The following DCAF5 variants were observed in gnomAD, a reference collection of about 807,000 sequenced individuals.
DCAF5 encodes DDB1- and CUL4-associated factor 5.
Under a neutral mutation model 80.7 loss-of-function variants are expected in DCAF5, and 9 were observed. That is an observed-to-expected ratio of 0.11 (90% confidence interval 0.07 to 0.19). DCAF5 has a LOEUF of 0.19. Among genes scored for constraint, DCAF5 ranks in the 10% least tolerant of loss-of-function variants. The pLI, the probability that DCAF5 is intolerant of heterozygous loss-of-function variation, is 1.00. For missense variants in DCAF5, 842 were observed against 1,205.7 expected (o/e 0.70, Z 4.47); for synonymous variants, 433 against 461.9 (o/e 0.94, Z 0.80).
chr14:69,089,367 A>C (rs1391415705), intron 6 of DCAF5: 2 of 152,184 alleles, frequency 1.3e-5, no homozygotes, highest in African/African-American at 2.4e-5. Flanking sequence ...ATATGAACAG[A>C]CTTTTAAGAC....
intron 1 of DCAF5, among the ~76,000 whole-genome samples, chr14:69,140,775 G>C (rs1247642723): frequency 6.6e-6 from 1 of 151,964 alleles, no homozygotes; most frequent in Non-Finnish European, 1.5e-5. Context: ...TAAAAGGCAA[G>C]TGACTAACTA....
chr14:69,128,770 AAC>A (rs1372433707), intron 1 of DCAF5, among the ~76,000 whole-genome samples: 1 of 152,058 alleles, frequency 6.6e-6, no homozygotes, highest in African/African-American at 2.4e-5. Flanking sequence ...TCCATCTCAA[AAC>A]AAACAACAAC....
At position 69,095,550 on chromosome 14, in the gene DCAF5, T is replaced by TACAC. The variant is rs71102626; in HGVS notation, c.666-3667_666-3664dup. Among the ~76,000 whole-genome samples the TACAC allele has an allele frequency of 1.3e-4, 19 of 151,264 alleles. No individual in the cohort carries two copies. The East Asian group carries it at 2.3e-3, about 19-fold the overall frequency. On this transcript the variant is annotated intron_variant, in intron 5 of 8. Transcript: ENST00000341516. The stretch of plus-strand genomic sequence containing the variant: ...TTTTGTTTTGTTTTGTTTTTTTAAG[T>TACAC]ACACACACACACACAAAAACCACTC...
intron 1 of DCAF5, among the ~76,000 whole-genome samples, chr14:69,141,526 C>A (rs1174194527): frequency 6.6e-6 from 1 of 152,150 alleles, no homozygotes; most frequent in South Asian, 2.1e-4. Context: ...ACAACAGGCC[C>A]CAGTGTGTGA....
intron 1 of DCAF5, among the ~76,000 whole-genome samples, chr14:69,132,481 A>G (rs749446130): frequency 2.0e-5 from 3 of 152,162 alleles, no homozygotes; most frequent in Non-Finnish European, 4.4e-5. Flanking sequence ...CCTGAAATTC[A>G]GTTACCACTT....
intron 5 of DCAF5, among the ~76,000 whole-genome samples, chr14:69,098,357 C>T (rs1648700152): frequency 6.6e-6 from 1 of 152,164 alleles, no homozygotes; most frequent in Admixed American, 6.5e-5. Flanking sequence ...TACAACTTCT[C>T]CAATGCTTCC....
At chr14:69,099,779 CA>C (rs777557370) in intron 5 of DCAF5, among the ~76,000 whole-genome samples, 1 of 71,286 alleles carries the variant, frequency 1.4e-5, no homozygotes, top group Non-Finnish European at 3.0e-5. Flanking sequence ...CCTGTCTCTA[CA>C]AAAAAAAAAT....
chr14:69,098,893 C>CAAAAAA (rs57089112), intron 5 of DCAF5, among the ~76,000 whole-genome samples: 146 of 59,596 alleles, frequency 2.4e-3, no homozygotes, highest in Middle Eastern at 0.031. Context: ...ACTCTGTCTC[C>CAAAAAA]AAAAAAAAAA....
At chr14:69,095,882 G>A (rs932356560) in intron 5 of DCAF5, among the ~76,000 whole-genome samples, 5 of 152,130 alleles carry the variant, frequency 3.3e-5, no homozygotes, top group African/African-American at 4.8e-5. Context: ...CTATAAGACC[G>A]GTGGAATGCT....
Position 69,054,406 on chromosome 14 carries a change from A to T in DCAF5, c.2280T>A (p.Gly760=). The part of the protein sequence containing the change: ...SSHAWAEVPE[G]TSQDTGNSGS... ...CGCTATTGCCAGTGTCCTGAGAGGT[A>T]CCCTCTGGCACCTCTGCCCAAGCAT... The change falls in exon 9 of 9, where the codon GGT becomes GGA. Residue 760 remains glycine, a synonymous_variant. Transcript: ENST00000341516. 1 of 1,614,004 alleles carries T rather than the reference A, an allele frequency of 6.2e-7. No homozygotes were observed. The highest frequency in any genetic ancestry group is 8.5e-7 in the Non-Finnish European group (1 of 1,180,022).
In DCAF5 at chr14:69,122,345, C is replaced by T. The variant is rs368370920; in HGVS notation, c.230G>A (p.Arg77Gln). 3 of 1,611,146 alleles carry T rather than the reference C, an allele frequency of 1.9e-6. No individual in the cohort carries two copies. Among genetic ancestry groups the T allele is most frequent in the Non-Finnish European group, 2.5e-6 (3 of 1,177,698 alleles). Reference protein sequence around the residue: ...QWLVSGGDDRRVLLWHMEQAI... With the variant: ...QWLVSGGDDRQVLLWHMEQAI... ...TTGTTCCATGTGCCATAGCAGAACC[C>T]GGCGGTCATCTCCTCCTTAAGAAGG... is the stretch of plus-strand genomic sequence containing the variant. The change falls in exon 2 of 9, where the codon CGG becomes CAG. Residue 77 changes from arginine to glutamine, a missense_variant. Coordinates refer to ENST00000341516, the MANE Select transcript of DCAF5 (RefSeq NM_003861.3).
rs139958295 is a variant in DCAF5, at chr14:69,074,102, AG to A, written c.946+1242del. Among the ~76,000 whole-genome samples, 1,328 of 152,366 alleles carry A rather than the reference AG, an allele frequency of 8.7e-3. 21 individuals are homozygous for A. The highest frequency in any genetic ancestry group is 0.03 in the African/African-American group (1,268 of 41,582). On this transcript the variant is annotated intron_variant, in intron 7 of 8. Coordinates refer to ENST00000341516, the MANE Select transcript of DCAF5 (RefSeq NM_003861.3). ...AGTTATGCCAAAAGTAGGCCCCAAC[AG>A]GTTTTGAAAGGCAGATGTTTGGTAA...
chr14:69,105,686 A>G (rs1333443477), intron 5 of DCAF5, among the ~76,000 whole-genome samples: 1 of 151,772 alleles, frequency 6.6e-6, no homozygotes, highest in Non-Finnish European at 1.5e-5. Flanking sequence ...GCCCTTGGAC[A>G]TCAGACTGCA....
At chr14:69,088,220 C>A (rs988766449) in intron 6 of DCAF5, among the ~76,000 whole-genome samples, 1 of 152,154 alleles carries the variant, frequency 6.6e-6, no homozygotes, top group Non-Finnish European at 1.5e-5. Flanking sequence ...ATCATTTGTA[C>A]AGTGAAAAGG....
chr14:69,073,786 A>G (rs1299457462), intron 7 of DCAF5, among the ~76,000 whole-genome samples: 1 of 152,244 alleles, frequency 6.6e-6, no homozygotes, highest in East Asian at 1.9e-4. Context: ...AGGATTATCC[A>G]CATTCTATTT....
rs2037779940 is a variant in DCAF5, at chr14:69,052,059, C to T, written c.*1798G>A. ...ACTTTCCCACTCCCCCAGTAAAAGT[C>T]CAGGTGTTAAGTTGTACACACCCCC... On this transcript the variant is annotated 3_prime_UTR_variant, in exon 9 of 9. Coordinates refer to ENST00000341516, the MANE Select transcript of DCAF5 (RefSeq NM_003861.3). 1 of 152,288 alleles carries T rather than the reference C, an allele frequency of 6.6e-6. No homozygotes were observed. Among genetic ancestry groups the T allele is most frequent in the Admixed American group, 6.5e-5 (1 of 15,282 alleles). 9.4% of individuals were successfully genotyped at this position (152,288 alleles called of 1,614,324 possible).
Position 69,055,486 on chromosome 14 carries a change from C to G in DCAF5, c.1200G>C (p.Leu400=), listed in dbSNP as rs2037931752. 6.2e-7 allele frequency: 1 copy of G among 1,614,068 alleles called. No homozygotes were observed. The highest frequency in any genetic ancestry group is 1.3e-5 in the African/African-American group (1 of 74,924). The change falls in exon 9 of 9, where the codon CTG becomes CTC. Residue 400 remains leucine (L), a synonymous_variant. Transcript: ENST00000341516. This position sits in a 1 kb window ranked among gnomAD's most constrained non-coding sequence, Gnocchi z 5.6. ...CCGACTGGTTGGCGTAGTCATGCGA[C>G]AGGCCACTCCCACTGTTCAGCACAA... is the stretch of plus-strand genomic sequence containing the variant. ...ISLVLNSGSG[L]SHDYANQSVQ... is the part of the protein sequence containing the mutation.
Position 69,118,963 on chromosome 14 carries a change from ACCT to A in DCAF5, c.395+228_395+230del, listed in dbSNP as rs1380672951. On this transcript the variant is annotated intron_variant, in intron 3 of 8. Coordinates refer to ENST00000341516, the MANE Select transcript of DCAF5 (RefSeq NM_003861.3). The surrounding 1 kb of genome is among the most constrained non-coding windows in gnomAD (Gnocchi z 4.0). ...TTCTAAACTCTTGTTTTAAATTTTC[ACCT>A]AAAAAGTACACTCTCATACCAACTT... is the stretch of plus-strand genomic sequence containing the variant. 6.0e-6 allele frequency: 3 copies of A among 500,096 alleles called. No homozygotes were observed. Among genetic ancestry groups the A allele is most frequent in the African/African-American group, 3.9e-5 (2 of 51,348 alleles). The allele number at this position is 500,096 out of a possible 1,614,324, so 31.0% of individuals were successfully genotyped here.
intron 1 of DCAF5, among the ~76,000 whole-genome samples, chr14:69,130,464 T>C (rs1436978878): frequency 6.6e-6 from 1 of 152,194 alleles, no homozygotes; most frequent in East Asian, 1.9e-4. Flanking sequence ...GGGTAGTTTC[T>C]GTTTTGCAAG....
Sources: gnomAD v4.1 joint callset for allele counts (sites outside exome capture counted in the v4.1 genomes callset) on GRCh38, gnomAD v4.1.1 for gene constraint, Gnocchi (gnomAD v3.1) non-coding constraint, MANE v1.5 for transcripts, NCBI Gene and HGNC (gene_info 2026-07-23, HGNC 2026-07-21) for gene names.